The following GLOD4 variants were observed in gnomAD, a reference collection of about 807,000 sequenced individuals.
The protein encoded by GLOD4 is glyoxalase domain containing 4, also known as glyoxalase domain-containing protein 4.
GLOD4 carries 44 observed loss-of-function variants against 39.1 expected under a neutral mutation model. That is an observed-to-expected ratio of 1.13 (90% CI 0.88 to 1.45). The LOEUF is 1.45. GLOD4 is among the 40% of genes most tolerant of loss of function. The probability of loss-of-function intolerance (pLI) is 0.00; values close to 1 mark genes in which losing one functional copy is unlikely to be tolerated. For missense variants in GLOD4, 405 were observed against 366.4 expected (o/e 1.11, Z -0.86); for synonymous variants, 145 against 135.0 (o/e 1.07, Z -0.52).
chr17:781,704 G>A (rs559844230), intron 1 of GLOD4, among the ~76,000 whole-genome samples: 55 of 152,342 alleles, frequency 3.6e-4, no homozygotes, highest in African/African-American at 1.2e-3. Flanking sequence ...TGGGTTGAGA[G>A]TTGGAGCATA....
chr17:776,954 C>T lies in GLOD4; in HGVS notation c.175G>A (p.Gly59Arg). 6.2e-7 allele frequency: 1 copy of T among 1,605,534 alleles called. No homozygotes were observed. Among genetic ancestry groups the T allele is most frequent in the Non-Finnish European group, 8.5e-7 (1 of 1,172,210 alleles). Residue 59 changes from glycine to arginine, a missense_variant, in exon 3 of 9, where the codon GGA becomes AGA. Transcript: ENST00000301329. Reference protein sequence around the residue: ...YDGKWSKTMVGFGPEDDHFVA... With the variant: ...YDGKWSKTMVRFGPEDDHFVA... Reference sequence around the variant, plus strand: ...AAATGATCATCCTCAGGCCCAAATCCCACCATTGTTTTACTCCATTTCCCA... The same window carrying T: ...AAATGATCATCCTCAGGCCCAAATCTCACCATTGTTTTACTCCATTTCCCA...
intron 1 of GLOD4, among the ~76,000 whole-genome samples, chr17:780,943 G>T (rs1909831304): frequency 7.4e-6 from 1 of 134,682 alleles, no homozygotes; most frequent in Non-Finnish European, 1.5e-5. Flanking sequence ...TTTTTGAGAC[G>T]GAGTTTTGCT....
At position 782,183 on chromosome 17, in the gene GLOD4, C is replaced by A; in HGVS notation, c.73G>T (p.Asp25Tyr). 1 of 1,607,726 alleles carries A rather than the reference C, an allele frequency of 6.2e-7. No homozygotes were observed. Among genetic ancestry groups the A allele is most frequent in the Non-Finnish European group, 8.5e-7 (1 of 1,175,598 alleles). Residue 25 changes from aspartate to tyrosine, a missense_variant, in exon 1 of 9, where the codon GAC becomes TAC. Asp to Tyr is a radical substitution (Grantham distance 160). Coordinates refer to ENST00000301329, the MANE Select transcript of GLOD4 (RefSeq NM_016080.4). Reference sequence around the variant, plus strand: ...GCCTGCACCTTCATCCCCAGGACGTCCCGATAGAAACGCGCCGTCTGGAAG... The same window carrying A: ...GCCTGCACCTTCATCCCCAGGACGTACCGATAGAAACGCGCCGTCTGGAAG... ...NRFQTARFYR[D>Y]VLGMKVLRHE...
chr17:784,333 C>A (rs1339790282), upstream of GLOD4, among the ~76,000 whole-genome samples: 1 of 152,190 alleles, frequency 6.6e-6, no homozygotes, highest in Admixed American at 6.5e-5. Context: ...AGGATGGGGA[C>A]TTGGATTACT....
Position 761,659 on chromosome 17 carries a change from C to T in GLOD4, c.832-1421G>A, listed in dbSNP as rs532134385. The stretch of plus-strand genomic sequence containing the variant: ...AGCTGGGATTACAGGCGTACACCAC[C>T]GTGCCTGGCTAATTTTTTGTGTTTA... On this transcript the variant is annotated intron_variant, in intron 8 of 8. Transcript: ENST00000301329. Among the ~76,000 whole-genome samples, 8 of 152,278 alleles carry T rather than the reference C, an allele frequency of 5.3e-5. No individual in the cohort carries two copies. The South Asian group carries it at 1.0e-3, about 20-fold the overall frequency.
chr17:780,809 A>G (rs1909791766), intron 1 of GLOD4: 1 of 152,894 alleles, frequency 6.5e-6, no homozygotes, highest in Non-Finnish European at 1.5e-5. Context: ...CTCATCACCC[A>G]GGTTGGAAAA....
chr17:763,566 G>C (rs564605883), intron 8 of GLOD4: 1 of 151,962 alleles, frequency 6.6e-6, no homozygotes, highest in East Asian at 1.9e-4. Flanking sequence ...AGAACGTACC[G>C]ATATAGTAGC....
upstream of GLOD4, among the ~76,000 whole-genome samples, chr17:785,460 G>C (rs1484047447): frequency 6.6e-6 from 1 of 152,158 alleles, no homozygotes; most frequent in Non-Finnish European, 1.5e-5. Flanking sequence ...AATAAGGAGA[G>C]AATTTTCCAC....
chr17:782,419 C>T (rs752422638), upstream of GLOD4: 8 of 1,613,944 alleles, frequency 5.0e-6, no homozygotes, highest in South Asian at 6.6e-5. Context: ...GTCGTGCGAC[C>T]GTTGCTGCAG....
At chr17:784,588 A>C (rs887853637), upstream of GLOD4, among the ~76,000 whole-genome samples, 1 of 152,096 alleles carries the variant, frequency 6.6e-6, no homozygotes, top group Non-Finnish European at 1.5e-5. Context: ...TACAGTGGCC[A>C]ACCCATCTTG....
chr17:776,335 G>A (rs992367964), intron 3 of GLOD4, among the ~76,000 whole-genome samples: 1 of 152,176 alleles, frequency 6.6e-6, no homozygotes, highest in Admixed American at 6.5e-5. Context: ...GCCTAGAAAT[G>A]TACACGTGTG....
At chr17:761,272 T>C (rs1235804455) in intron 8 of GLOD4, among the ~76,000 whole-genome samples, 1 of 152,208 alleles carries the variant, frequency 6.6e-6, no homozygotes, top group Non-Finnish European at 1.5e-5. Context: ...ATTTATTATT[T>C]AGAAACAGTG....
intron 5 of GLOD4, chr17:770,783 A>C (rs972266922): frequency 3.2e-6 from 1 of 309,400 alleles, no homozygotes; most frequent in Non-Finnish European, 6.0e-6. Flanking sequence ...TCAATACATA[A>C]AGATTTGCCT....
At chr17:761,435 C>G (rs1268096606) in intron 8 of GLOD4, among the ~76,000 whole-genome samples, 3 of 152,106 alleles carry the variant, frequency 2.0e-5, no homozygotes, top group African/African-American at 4.8e-5. Flanking sequence ...CAAATATGCA[C>G]GTTTCTGTCT....
In GLOD4 at chr17:782,097, C is replaced by G. The variant is rs1470652957; in HGVS notation, c.90+69G>C. The G allele has an allele frequency of 5.0e-6, 6 of 1,210,166 alleles. No individual in the cohort carries two copies. The South Asian group carries it at 8.3e-5, about 17-fold the overall frequency. The allele number at this position is 1,210,166 out of a possible 1,614,324, so 75.0% of individuals were successfully genotyped here. A position where few individuals can be genotyped will look rare whatever the true frequency, so the allele number is the denominator to read the frequency against. ...TCACGACACACCCATTTTCCCCTCC[C>G]TCCGCCAGGGCCGGCTCGGGCGCCG... is the stretch of plus-strand genomic sequence containing the variant. On this transcript the variant is annotated intron_variant, in intron 1 of 8. Coordinates refer to ENST00000301329, the MANE Select transcript of GLOD4 (RefSeq NM_016080.4).
chr17:764,061 T>C (rs1399756682), intron 8 of GLOD4: 1 of 152,216 alleles, frequency 6.6e-6, no homozygotes, highest in Non-Finnish European at 1.5e-5. Flanking sequence ...TATTAAAAAT[T>C]ATTAAAGAAT....
intron 5 of GLOD4, 173 bp downstream of exon 5, chr17:771,151 GT>G: frequency 2.1e-6 from 1 of 482,594 alleles, no homozygotes. Context: ...TATCTGGGTG[GT>G]AAGGTTATCA....
At position 760,070 on chromosome 17, in the gene GLOD4, G is replaced by C. The variant is rs1043252800; in HGVS notation, c.*103C>G. ...CTGCACTACCCAAGCCTCCTTGCCT[G>C]TACGGGAAACAAATCAGAAGAGCAT... On this transcript the variant is annotated 3_prime_UTR_variant, in exon 9 of 9. Coordinates refer to ENST00000301329, the MANE Select transcript of GLOD4 (RefSeq NM_016080.4). 4 of 754,022 alleles carry C rather than the reference G, an allele frequency of 5.3e-6. No homozygotes were observed. In the Admixed American group the frequency reaches 5.8e-5, roughly 11 times the overall value. 46.7% of individuals were successfully genotyped at this position (754,022 alleles called of 1,614,324 possible).
At chr17:770,551 T>C (rs769051190) in intron 5 of GLOD4, 44 bp from the exon 6 acceptor site, 3 of 855,446 alleles carry the variant, frequency 3.5e-6, no homozygotes, top group Non-Finnish European at 6.2e-6. Flanking sequence ...GGTTATACAT[T>C]CATTACACGT....
Sources: gnomAD v4.1 joint callset for allele counts (sites outside exome capture counted in the v4.1 genomes callset) on GRCh38, gnomAD v4.1.1 for gene constraint, MANE v1.5 for transcripts, NCBI Gene and HGNC (gene_info 2026-07-23, HGNC 2026-07-21) for gene names.